Variants in UCK2 observed in about 807,000 individuals in gnomAD.
The protein encoded by UCK2 is uridine-cytidine kinase 2, also known as cytidine monophosphokinase 2.
In UCK2, 6 loss-of-function variants were observed where a neutral mutation model predicts 30.8. The observed-to-expected ratio is 0.19, with a 90% CI of 0.11 to 0.38. The LOEUF is 0.38. Among genes scored for constraint, UCK2 ranks in the 10% least tolerant of loss-of-function variants. The pLI is 1.00. For synonymous variants in UCK2, 125 were observed against 133.6 expected (o/e 0.94, Z 0.45); for missense variants, 210 against 339.8 (o/e 0.62, Z 3.00).
chr1:165,878,604 A>G (rs944456545), intron 1 of UCK2, among the ~76,000 whole-genome samples: 1 of 152,146 alleles, frequency 6.6e-6, no homozygotes, highest in African/African-American at 2.4e-5. Flanking sequence ...TTGGCCTCCC[A>G]AAGTGCTGGG....
intron 1 of UCK2, among the ~76,000 whole-genome samples, chr1:165,840,648 A>T (rs1209461080): frequency 6.6e-6 from 1 of 152,142 alleles, no homozygotes; most frequent in Non-Finnish European, 1.5e-5. Context: ...TTCTTTGCTG[A>T]TAAGACCCAT....
intron 1 of UCK2, among the ~76,000 whole-genome samples, chr1:165,883,066 T>C (rs138915036): frequency 6.6e-6 from 1 of 152,184 alleles, no homozygotes; most frequent in Admixed American, 6.5e-5. Context: ...CCTCGTGATC[T>C]GCCTGACTCG....
At chr1:165,885,418 T>C (rs1345306117) in intron 1 of UCK2, 1 of 398,516 alleles carries the variant, frequency 2.5e-6, no homozygotes, top group African/African-American at 2.1e-5. Flanking sequence ...ACTGATTTGT[T>C]CCATAGATTT....
chr1:165,878,334 T>C (rs1360541517), intron 1 of UCK2, among the ~76,000 whole-genome samples: 4 of 133,730 alleles, frequency 3.0e-5, no homozygotes, highest in Admixed American at 7.3e-5. Flanking sequence ...TTTCTTTCTT[T>C]CTTTTTTTTT....
At chr1:165,879,547 TA>T (rs1655427045) in intron 1 of UCK2, among the ~76,000 whole-genome samples, 1 of 149,278 alleles carries the variant, frequency 6.7e-6, no homozygotes, top group Non-Finnish European at 1.5e-5. Context: ...GTTTGCTTTT[TA>T]TTATTATTAT....
At chr1:165,891,197 AAACATTTT>A in intron 2 of UCK2, 21 bp from the exon 3 acceptor site, 2 of 1,589,710 alleles carry the variant, frequency 1.3e-6, no homozygotes, top group Non-Finnish European at 1.7e-6. Flanking sequence ...TAAAATTAAG[AAACATTTT>A]AACAATTTGG....
In UCK2 at chr1:165,895,805, C is replaced by T. The variant is rs1019711803; in HGVS notation, c.357-385C>T. 9 of 287,914 alleles carry T rather than the reference C, an allele frequency of 3.1e-5. No homozygotes were observed. The South Asian group carries it at 5.0e-4, about 16-fold the overall frequency. The allele number at this position is 287,914 out of a possible 1,614,324, so 17.8% of individuals were successfully genotyped here. ...TTTTAAAGTTCAGAGTGTTAGGTTC[C>T]ATAAATGCCAGGCCATGAGAGCATT... is the stretch of plus-strand genomic sequence containing the variant. On this transcript the variant is annotated intron_variant, in intron 3 of 6. Coordinates refer to ENST00000367879, the MANE Select transcript of UCK2 (RefSeq NM_012474.5).
chr1:165,898,935 A>C (rs193068838), intron 4 of UCK2, among the ~76,000 whole-genome samples: 1 of 152,312 alleles, frequency 6.6e-6, no homozygotes, highest in Admixed American at 6.5e-5. Context: ...TGATGGATTC[A>C]TGGGACTTTT....
intron 1 of UCK2, among the ~76,000 whole-genome samples, chr1:165,880,889 A>G (rs1349576566): frequency 6.6e-6 from 1 of 151,970 alleles, no homozygotes; most frequent in Non-Finnish European, 1.5e-5. Flanking sequence ...ATGATGTAGC[A>G]GGCTGGGCGT....
intron 1 of UCK2, among the ~76,000 whole-genome samples, chr1:165,870,630 CAGGGAGCTTCCCTG>C (rs1180955731): frequency 6.6e-6 from 1 of 152,246 alleles, no homozygotes; most frequent in Non-Finnish European, 1.5e-5. Flanking sequence ...CAGCACACTA[CAGGGAGCTTCCCTG>C]AGGGAACTTT....
chr1:165,850,186 C>G (rs919851161), intron 1 of UCK2, among the ~76,000 whole-genome samples: 4 of 152,120 alleles, frequency 2.6e-5, no homozygotes, highest in Non-Finnish European at 4.4e-5. Flanking sequence ...GGCTGGAGTG[C>G]ATGTTGTGAT....
chr1:165,895,820 A>G (rs908032722), intron 3 of UCK2: 14 of 235,550 alleles, frequency 5.9e-5, no homozygotes, highest in African/African-American at 2.8e-4. Context: ...ATGCCAGGCC[A>G]TGAGAGCATT....
chr1:165,875,636 C>A (rs1655315065), intron 1 of UCK2, among the ~76,000 whole-genome samples: 1 of 152,122 alleles, frequency 6.6e-6, no homozygotes, highest in African/African-American at 2.4e-5. Flanking sequence ...TTCCCATAAC[C>A]CCCTCTTAGG....
intron 1 of UCK2, among the ~76,000 whole-genome samples, chr1:165,846,367 T>C (rs1654449083): frequency 6.6e-6 from 1 of 152,218 alleles, no homozygotes; most frequent in Non-Finnish European, 1.5e-5. Context: ...TGAATTCCTA[T>C]GGGTATGGGA....
chr1:165,875,038 C>CAAAA (rs57582300), intron 1 of UCK2, among the ~76,000 whole-genome samples: 1 of 111,346 alleles, frequency 9.0e-6, no homozygotes. Flanking sequence ...ACTGAGTTAC[C>CAAAA]AAAAAAAAAA....
chr1:165,898,477 G>A (rs768170693), intron 4 of UCK2, among the ~76,000 whole-genome samples: 2 of 152,162 alleles, frequency 1.3e-5, no homozygotes, highest in African/African-American at 2.4e-5. Context: ...GACAAGACTG[G>A]TTAGATCCTC....
intron 2 of UCK2, 44 bp downstream of exon 2, chr1:165,890,407 T>TG: frequency 1.3e-6 from 2 of 1,589,714 alleles, no homozygotes; most frequent in Non-Finnish European, 8.6e-7. Flanking sequence ...ATTGGTGTGT[T>TG]GGGGGGAATA....
Position 165,827,709 on chromosome 1 carries a change from GACA to G in UCK2, c.-124_-122del, listed in dbSNP as rs1304671273. On this transcript the variant is annotated 5_prime_UTR_variant, in exon 1 of 7. Transcript: ENST00000367879. The stretch of plus-strand genomic sequence containing the variant: ...GGCTCCGAGCGGCTCGCAGGCGAGC[GACA>G]GCGGCCTCAGCCCCGGCAGCGCCCA... 1 of 864,638 alleles carries G rather than the reference GACA, an allele frequency of 1.2e-6. No homozygotes were observed. Among genetic ancestry groups the G allele is most frequent in the African/African-American group, 1.8e-5 (1 of 56,544 alleles). 53.6% of individuals were successfully genotyped at this position (864,638 alleles called of 1,614,324 possible).
At chr1:165,855,990 A>G (rs768234893) in intron 1 of UCK2, among the ~76,000 whole-genome samples, 5 of 152,206 alleles carry the variant, frequency 3.3e-5, no homozygotes, top group African/African-American at 4.8e-5. Context: ...TGTGCTGTCT[A>G]TAGCATCTGA....
Sources: gnomAD v4.1 joint callset for allele counts (sites outside exome capture counted in the v4.1 genomes callset) on GRCh38, gnomAD v4.1.1 for gene constraint, MANE v1.5 for transcripts, NCBI Gene and HGNC (gene_info 2026-07-23, HGNC 2026-07-21) for gene names.